NDST2: variants seen among roughly 807,000 people sequenced by gnomAD.
NDST2 encodes bifunctional heparan sulfate N-deacetylase/N-sulfotransferase 2.
NDST2 carries 32 observed loss-of-function variants against 86.9 expected under a neutral mutation model. That is an observed-to-expected ratio of 0.37 (90% CI 0.28 to 0.49). NDST2 has a LOEUF of 0.49. NDST2 is among the 20% of genes least tolerant of loss of function. NDST2 has a pLI of 0.97. For synonymous variants in NDST2, 409 were observed against 437.0 expected, an observed-to-expected ratio of 0.94 and a Z score of 0.80; for missense variants, 950 against 1,146.9, an observed-to-expected ratio of 0.83 and a Z score of 2.48.
intron 2 of NDST2, among the ~76,000 whole-genome samples, chr10:73,810,114 CA>C (rs1314252428): frequency 2.0e-5 from 3 of 152,150 alleles, no homozygotes; most frequent in Non-Finnish European, 4.4e-5. Flanking sequence ...ACACACATCT[CA>C]GGGGTGATAA....
At position 73,806,748 on chromosome 10, in the gene NDST2, A is replaced by C. The variant is rs1348205869; in HGVS notation, c.1157T>G (p.Phe386Cys). 6.2e-7 allele frequency: 1 copy of C among 1,613,952 alleles called. No homozygotes were observed. ...CTGCATGTGGCTCCACATGTGGGGG[A>C]ACCACCAGAACTCTTTGCGGTGCTT... ...LLKHRKEFWW[F>C]PHMWSHMQPH... is the part of the protein sequence containing the mutation. Residue 386 changes from phenylalanine to cysteine, a missense_variant, in exon 5 of 15, where the codon TTC (phenylalanine) becomes TGC (cysteine). Physicochemically the swap from Phe to Cys is radical, Grantham distance 205 (BLOSUM62 -2). This residue lies in a region of NDST2 where 586 missense variants were observed against 714.0 expected (regional missense o/e 0.82). Coordinates refer to ENST00000309979, the MANE Select transcript of NDST2 (RefSeq NM_003635.4). This position sits in a 1 kb window ranked among gnomAD's most constrained non-coding sequence, Gnocchi z 4.5.
chr10:73,803,670 A>G lies in NDST2; in HGVS notation c.2046T>C (p.Ser682=), dbSNP rs1183760977. The G allele has an allele frequency of 1.2e-6, 2 of 1,614,102 alleles. No homozygotes were observed. Among genetic ancestry groups the G allele is most frequent in the Non-Finnish European group, 1.7e-6 (2 of 1,180,018 alleles). The part of the protein sequence containing the change: ...LFEKSATYFD[S]EVVPRRGAAL... ...CAGCCCCCCGCCGTGGTACAACTTCAGAGTCAAAGTAGGTGGCACTTTTTT... is the reference window on the plus strand; with the variant it reads ...CAGCCCCCCGCCGTGGTACAACTTCGGAGTCAAAGTAGGTGGCACTTTTTT... The change falls in exon 11 of 15, where the codon TCT becomes TCC. Residue 682 remains serine (S), a synonymous_variant. Transcript: ENST00000309979.
In NDST2 at chr10:73,803,626, T is replaced by G. The variant is rs750217168; in HGVS notation, c.2090A>C (p.Lys697Thr). 12 of 1,612,052 alleles carry G rather than the reference T, an allele frequency of 7.4e-6. No homozygotes were observed. In the East Asian group the frequency reaches 2.7e-4, roughly 36 times the overall value. The part of the protein sequence containing the change: ...RRGAALLPRA[K>T]IITVLTNPAD... ...AGGGTTGGTGAGCACTGTGATGATCTTGGCTCGTGGCAGGAGGGCAGCCCC... is the reference window on the plus strand; with the variant it reads ...AGGGTTGGTGAGCACTGTGATGATCGTGGCTCGTGGCAGGAGGGCAGCCCC... The change falls in exon 11 of 15, where the codon AAG (lysine) becomes ACG (threonine). Residue 697 changes from lysine to threonine, a missense_variant. This residue lies in a region of NDST2 where 303 missense variants were observed against 323.7 expected (regional missense o/e 0.94). Transcript: ENST00000309979.
At chr10:73,804,093 A>T in intron 9 of NDST2, 77 bp from the exon 10 acceptor site, 3 of 1,533,736 alleles carry the variant, frequency 2.0e-6, no homozygotes, top group Non-Finnish European at 2.6e-6. Context: ...GCTTGAAGGA[A>T]GTGAAAAAAT....
intron 8 of NDST2, 136 bp downstream of exon 8, chr10:73,805,451 T>C (rs574901378): frequency 2.5e-6 from 2 of 807,164 alleles, no homozygotes; most frequent in Admixed American, 5.3e-5. Context: ...GAGGTGGAGG[T>C]TGCAATGAGC....
At position 73,805,627 on chromosome 10, in the gene NDST2, T is replaced by A; in HGVS notation, c.1706A>T (p.Tyr569Phe). The change falls in exon 8 of 15, where the codon TAC becomes TTC. Residue 569 changes from tyrosine (Y) to phenylalanine (F), a missense_variant. By Grantham distance (22) the Tyr-to-Phe change is conservative (BLOSUM62 3). Around this residue, in one of 5 missense-constraint regions of NDST2, gnomAD observed 586 missense variants for 714.0 expected, o/e 0.82. Transcript: ENST00000309979. ...TLPPVPLAQKYFELFPQERSP... is the reference protein window; with the variant it reads ...TLPPVPLAQKFFELFPQERSP... Reference sequence around the variant, plus strand: ...TCGCTCCTGAGGGAAAAGTTCAAAGTACTTCTGTGCAAGTGGGACAGGAGG... The same window carrying A: ...TCGCTCCTGAGGGAAAAGTTCAAAGAACTTCTGTGCAAGTGGGACAGGAGG... 1 of 1,614,180 alleles carries A rather than the reference T, an allele frequency of 6.2e-7. No homozygotes were observed. The highest frequency in any genetic ancestry group is 8.5e-7 in the Non-Finnish European group (1 of 1,180,038).
chr10:73,805,989 T>C lies in NDST2; in HGVS notation c.1474A>G (p.Ile492Val), dbSNP rs201076309. 536 of 1,614,072 alleles carry C rather than the reference T, an allele frequency of 3.3e-4. No individual in the cohort carries two copies. The highest frequency in any genetic ancestry group is 4.3e-4 in the Non-Finnish European group (511 of 1,180,018). ...CCTCCAGGATACTCATTATAGAAGATTGTGTGAGTGAAGAGGCCACATGTC... is the reference window on the plus strand; with the variant it reads ...CCTCCAGGATACTCATTATAGAAGACTGTGTGAGTGAAGAGGCCACATGTC... ...RQTCGLFTHT[I>V]FYNEYPGGSR... is the part of the protein sequence containing the mutation. Residue 492 changes from isoleucine to valine, a missense_variant, in exon 7 of 15, where the codon ATC (isoleucine) becomes GTC (valine). This residue lies in a region of NDST2 where 586 missense variants were observed against 714.0 expected (regional missense o/e 0.82). Coordinates refer to ENST00000309979, the MANE Select transcript of NDST2 (RefSeq NM_003635.4).
Position 73,803,683 on chromosome 10 carries a change from G to T in NDST2, c.2033C>A (p.Thr678Asn). 1.2e-6 allele frequency: 2 copies of T among 1,614,176 alleles called. No individual in the cohort carries two copies. Among genetic ancestry groups the T allele is most frequent in the Non-Finnish European group, 1.7e-6 (2 of 1,180,032 alleles). ...TGGTACAACTTCAGAGTCAAAGTAG[G>T]TGGCACTTTTTTCAAATAGGAAATC... ...STDFLFEKSA[T>N]YFDSEVVPRR... The change falls in exon 11 of 15, where the codon ACC becomes AAC. Residue 678 changes from threonine (T) to asparagine (N), a missense_variant. Around this residue, in one of 5 missense-constraint regions of NDST2, gnomAD observed 303 missense variants for 323.7 expected, o/e 0.94. Coordinates refer to ENST00000309979, the MANE Select transcript of NDST2 (RefSeq NM_003635.4).
At position 73,808,322 on chromosome 10, in the gene NDST2, G is replaced by C. The variant is rs2084141803; in HGVS notation, c.67C>G (p.Leu23Val). 1 of 1,595,244 alleles carries C rather than the reference G, an allele frequency of 6.3e-7. No individual in the cohort carries two copies. Among genetic ancestry groups the C allele is most frequent in the Non-Finnish European group, 8.5e-7 (1 of 1,171,062 alleles). ...ATGGAGCCCAGGCTGAAAGCGATCA[G>C]CAGCAGTATGAGGCGGTGCAGTTCC... ...QLELHRLILL[L>V]IAFSLGSMGF... Residue 23 changes from leucine to valine, a missense_variant, in exon 3 of 15, where the codon CTG (leucine) becomes GTG (valine). Leu to Val is a conservative substitution (Grantham distance 32, BLOSUM62 1). This residue lies in a region of NDST2 where 38 missense variants were observed against 42.5 expected (regional missense o/e 0.89). Coordinates refer to ENST00000309979, the MANE Select transcript of NDST2 (RefSeq NM_003635.4). The surrounding 1 kb of genome is among the most constrained non-coding windows in gnomAD (Gnocchi z 4.3).
At position 73,806,573 on chromosome 10, in the gene NDST2, T is replaced by C. The variant is rs1184578147; in HGVS notation, c.1248+84A>G. The stretch of plus-strand genomic sequence containing the variant: ...TCCAAATAAAGAAAAACGCAAAGGA[T>C]AGGAAAAGGGTAGCCCATTAGGGGA... On this transcript the variant is annotated intron_variant, in intron 5 of 14. Transcript: ENST00000309979. The surrounding 1 kb of genome is among the most constrained non-coding windows in gnomAD (Gnocchi z 4.5). 2.9e-5 allele frequency: 45 copies of C among 1,573,580 alleles called. No homozygotes were observed. The highest frequency in any genetic ancestry group is 3.7e-5 in the Non-Finnish European group (43 of 1,154,628).
chr10:73,806,140 C>CTGAG lies in NDST2; in HGVS notation c.1435-116_1435-113dup. On this transcript the variant is annotated intron_variant, in intron 6 of 14. Coordinates refer to ENST00000309979, the MANE Select transcript of NDST2 (RefSeq NM_003635.4). This position sits in a 1 kb window ranked among gnomAD's most constrained non-coding sequence, Gnocchi z 4.5. ...TGAAGTTATAGCAATAAAGCTCTTA[C>CTGAG]TGAGGGTGTTAAAATTTTTTCACCT... 6.5e-7 allele frequency: 1 copy of CTGAG among 1,533,088 alleles called. No individual in the cohort carries two copies. The highest frequency in any genetic ancestry group is 1.2e-5 in the South Asian group (1 of 83,966). The allele number at this position is 1,533,088 out of a possible 1,614,324, so 95.0% of individuals were successfully genotyped here. A position where few individuals can be genotyped will look rare whatever the true frequency, so the allele number is the denominator to read the frequency against.
chr10:73,806,146 G>T lies in NDST2; in HGVS notation c.1435-118C>A, dbSNP rs2084098275. On this transcript the variant is annotated intron_variant, in intron 6 of 14. Transcript: ENST00000309979. The surrounding 1 kb of genome is among the most constrained non-coding windows in gnomAD (Gnocchi z 4.5). ...TATAGCAATAAAGCTCTTACTGAGG[G>T]TGTTAAAATTTTTTCACCTTTCTAC... is the stretch of plus-strand genomic sequence containing the variant. 2.0e-6 allele frequency: 3 copies of T among 1,527,458 alleles called. No individual in the cohort carries two copies. Among genetic ancestry groups the T allele is most frequent in the Admixed American group, 1.8e-5 (1 of 56,304 alleles). 94.6% of individuals were successfully genotyped at this position (1,527,458 alleles called of 1,614,324 possible). A position where few individuals can be genotyped will look rare whatever the true frequency, so the allele number is the denominator to read the frequency against.
At chr10:73,807,013 TTG>T in intron 4 of NDST2, 93 bp downstream of exon 4, 1 of 1,458,326 alleles carries the variant, frequency 6.9e-7, no homozygotes, top group Non-Finnish European at 9.6e-7. Flanking sequence ...ACCCCAAACC[TTG>T]ACCCTTTTCT....
At chr10:73,802,944 ACTC>A in intron 13 of NDST2, 25 bp downstream of exon 13, 1 of 1,599,370 alleles carries the variant, frequency 6.3e-7, no homozygotes, top group South Asian at 1.1e-5. Flanking sequence ...CCCATACAGT[ACTC>A]CTCCCCTGGG....
rs756208426 is a variant in NDST2, at chr10:73,808,346, C to G, written c.43G>C (p.Glu15Gln). 3 of 1,595,194 alleles carry G rather than the reference C, an allele frequency of 1.9e-6. No individual in the cohort carries two copies. Among genetic ancestry groups the G allele is most frequent in the African/African-American group, 2.7e-5 (2 of 74,426 alleles). ...AGCAGCAGTATGAGGCGGTGCAGTT[C>G]CAGCTGCCGAGCTGGGCGTACCACC... ...WKVVRPARQL[E>Q]LHRLILLLIA... Residue 15 changes from glutamate (E) to glutamine (Q), a missense_variant, in exon 3 of 15, where the codon GAA (glutamate) becomes CAA (glutamine). Glu to Gln is a conservative substitution (Grantham distance 29, BLOSUM62 2). Around this residue, in one of 5 missense-constraint regions of NDST2, gnomAD observed 38 missense variants for 42.5 expected, o/e 0.89. Coordinates refer to ENST00000309979, the MANE Select transcript of NDST2 (RefSeq NM_003635.4). The surrounding 1 kb of genome is among the most constrained non-coding windows in gnomAD (Gnocchi z 4.3).
chr10:73,804,375 T>G (rs2084062179), intron 9 of NDST2, among the ~76,000 whole-genome samples: 1 of 152,144 alleles, frequency 6.6e-6, no homozygotes. Flanking sequence ...GTGCGGTGGC[T>G]CATGCCTGTA....
At chr10:73,811,600 C>G (rs1380691509), upstream of NDST2, 1 of 152,086 alleles carries the variant, frequency 6.6e-6, no homozygotes, top group Non-Finnish European at 1.5e-5. Context: ...GAACGCTCTG[C>G]CGCAGCCTGG....
rs1441307353 is a variant in NDST2 at position 73,806,323 on chromosome 10, C to G, written c.1400G>C (p.Arg467Pro). The G allele has an allele frequency of 6.2e-7, 1 of 1,614,054 alleles. No individual in the cohort carries two copies. The highest frequency in any genetic ancestry group is 8.5e-7 in the Non-Finnish European group (1 of 1,180,002). Residue 467 changes from arginine to proline, a missense_variant, in exon 6 of 15, where the codon CGC (arginine) becomes CCC (proline). Physicochemically the swap from Arg to Pro is moderately radical, Grantham distance 103 (BLOSUM62 -2). Coordinates refer to ENST00000309979, the MANE Select transcript of NDST2 (RefSeq NM_003635.4). This position sits in a 1 kb window ranked among gnomAD's most constrained non-coding sequence, Gnocchi z 4.5. ...TEEYPHLRPA[R>P]YRRGFIHNGI... Reference sequence around the variant, plus strand: ...ATTGTGAATGAAGCCACGGCGGTAGCGGGCAGGGCGGAGATGGGGATACTC... The same window carrying G: ...ATTGTGAATGAAGCCACGGCGGTAGGGGGCAGGGCGGAGATGGGGATACTC...
Position 73,804,784 on chromosome 10 carries a change from G to A in NDST2, c.1832C>T (p.Pro611Leu). Residue 611 changes from proline to leucine, a missense_variant, in exon 9 of 15, where the codon CCC becomes CTC. Pro to Leu is a moderately conservative substitution (Grantham distance 98). Around this residue, in one of 5 missense-constraint regions of NDST2, gnomAD observed 17 missense variants for 40.1 expected, o/e 0.42. Transcript: ENST00000309979. ...DRLPKFLIVG[P>L]QKTGTTAIHF... ...TAAGGATACTTCACCTGTTTTCTGG[G>A]GTCCCACAATGAGGAACTTCGGGAG... 1 of 1,611,634 alleles carries A rather than the reference G, an allele frequency of 6.2e-7. No homozygotes were observed.
Sources: gnomAD v4.1 joint callset for allele counts (sites outside exome capture counted in the v4.1 genomes callset) on GRCh38, gnomAD v4.1.1 for gene constraint, gnomAD v4.1.1 regional missense constraint, Gnocchi (gnomAD v3.1) non-coding constraint, MANE v1.5 for transcripts, NCBI Gene and HGNC (gene_info 2026-07-23, HGNC 2026-07-21) for gene names.